Variants in STIM2 observed in about 807,000 individuals in gnomAD.
STIM2 encodes the protein stromal interaction molecule 2.
Under a neutral mutation model 85.8 loss-of-function variants are expected in STIM2, and 31 were observed. The ratio of observed to expected loss-of-function variants is 0.36; its 90% CI spans 0.27 to 0.49. STIM2 has a LOEUF of 0.49. Ranked by LOEUF, STIM2 falls within the 20% of genes least tolerant of loss-of-function variation. STIM2 has a pLI of 0.98. For synonymous variants in STIM2, 356 were observed against 331.1 expected (o/e 1.08, Z -0.82); for missense variants, 841 against 927.6 (o/e 0.91, Z 1.21).
At chr4:26,909,251 G>C (rs1724242474) in intron 1 of STIM2, among the ~76,000 whole-genome samples, 1 of 152,106 alleles carries the variant, frequency 6.6e-6, no homozygotes, top group African/African-American at 2.4e-5. Context: ...TATCTATTGA[G>C]TTACAAATAT....
intron 1 of STIM2, among the ~76,000 whole-genome samples, chr4:26,863,274 A>G (rs528566210): frequency 6.6e-6 from 1 of 152,276 alleles, no homozygotes; most frequent in South Asian, 2.1e-4. Flanking sequence ...CTAGAAGAAT[A>G]CCCTGGAATT....
intron 3 of STIM2, among the ~76,000 whole-genome samples, chr4:26,965,085 A>G (rs1469945922): frequency 6.6e-6 from 1 of 152,148 alleles, no homozygotes; most frequent in Non-Finnish European, 1.5e-5. Flanking sequence ...ACTTTCCTAC[A>G]GTGCTTTTAG....
Position 27,008,453 on chromosome 4 carries a change from G to A in STIM2, c.1175G>A (p.Ser392Asn), listed in dbSNP as rs777950063. 1.3e-6 allele frequency: 2 copies of A among 1,591,374 alleles called. No homozygotes were observed. Among genetic ancestry groups the A allele is most frequent in the South Asian group, 1.2e-5 (1 of 84,606 alleles). ...GCAGAAAAAATTAAAAAGAAGAGAA[G>A]CACAGTCTTTGGGACTCTGCACGTT... is the stretch of plus-strand genomic sequence containing the variant. Residue 392 changes from serine (S) to asparagine (N), a missense_variant, in exon 9 of 12, where the codon AGC becomes AAC. Physicochemically the swap from Ser to Asn is conservative, Grantham distance 46. Transcript: ENST00000467087.
At chr4:26,863,276 C>T (rs1722286243) in intron 1 of STIM2, among the ~76,000 whole-genome samples, 1 of 151,974 alleles carries the variant, frequency 6.6e-6, no homozygotes, top group African/African-American at 2.4e-5. Context: ...AGAAGAATAC[C>T]CTGGAATTAT....
chr4:26,953,224 A>C (rs1726121695), intron 2 of STIM2, among the ~76,000 whole-genome samples: 1 of 152,148 alleles, frequency 6.6e-6, no homozygotes, highest in Non-Finnish European at 1.5e-5. Flanking sequence ...TAAATGTCTG[A>C]TATTCCCCAA....
chr4:26,992,622 CA>C (rs1727806949), intron 3 of STIM2, among the ~76,000 whole-genome samples: 1 of 151,904 alleles, frequency 6.6e-6, no homozygotes, highest in Non-Finnish European at 1.5e-5. Context: ...TTTAATGAAA[CA>C]AAAAGGTGGA....
intron 3 of STIM2, among the ~76,000 whole-genome samples, chr4:26,966,008 G>A (rs1726702007): frequency 6.6e-6 from 1 of 152,064 alleles, no homozygotes; most frequent in Admixed American, 6.6e-5. Context: ...ATTTAAGGAG[G>A]TACTATTCTA....
intron 2 of STIM2, among the ~76,000 whole-genome samples, chr4:26,929,577 T>TA (rs145766751): frequency 0.021 from 3,171 of 152,074 alleles, 111 homozygotes; most frequent in African/African-American, 0.073. Flanking sequence ...GTTGCTTTTC[T>TA]AAAAAAAATT....
At chr4:26,885,159 C>G (rs1312945494) in intron 1 of STIM2, among the ~76,000 whole-genome samples, 1 of 151,286 alleles carries the variant, frequency 6.6e-6, no homozygotes, top group African/African-American at 2.4e-5. Flanking sequence ...CATGTTCAAC[C>G]TTATTTTTCA....
chr4:26,987,199 T>C (rs2109118488), intron 3 of STIM2, among the ~76,000 whole-genome samples: 2 of 152,298 alleles, frequency 1.3e-5, no homozygotes, highest in Middle Eastern at 6.8e-3. Context: ...TTACAATCTC[T>C]TCATTCTCCC....
At chr4:26,992,037 G>C (rs958649055) in intron 3 of STIM2, among the ~76,000 whole-genome samples, 1 of 152,080 alleles carries the variant, frequency 6.6e-6, no homozygotes, top group Non-Finnish European at 1.5e-5. Flanking sequence ...AGATCAGTGA[G>C]AGGCAGGTAA....
chr4:27,017,695 T>G lies in STIM2; in HGVS notation c.1490-16T>G. 6.2e-7 allele frequency: 1 copy of G among 1,612,224 alleles called. No individual in the cohort carries two copies. The highest frequency in any genetic ancestry group is 8.5e-7 in the Non-Finnish European group (1 of 1,178,420). The stretch of plus-strand genomic sequence containing the variant: ...CCTGGACTTCATGAGCATGTTTCTT[T>G]CTTGGTGTTTTTCAGGGACCATGGC... On this transcript the variant is annotated splice_polypyrimidine_tract_variant and intron_variant, in intron 10 of 11. Coordinates refer to ENST00000467087, the MANE Select transcript of STIM2 (RefSeq NM_020860.4).
intron 1 of STIM2, chr4:26,873,995 C>G (rs1296415189): frequency 7.9e-6 from 7 of 885,086 alleles, no homozygotes; most frequent in South Asian, 1.3e-5. Flanking sequence ...CCCTCTCTTT[C>G]TCCTCCTGGC....
intron 3 of STIM2, among the ~76,000 whole-genome samples, chr4:26,977,619 G>A (rs1727245388): frequency 6.6e-6 from 1 of 152,150 alleles, no homozygotes; most frequent in African/African-American, 2.4e-5. Context: ...GGCAGGATTT[G>A]CTGTGGAATT....
At chr4:26,896,917 A>G (rs1192140423) in intron 1 of STIM2, among the ~76,000 whole-genome samples, 1 of 152,188 alleles carries the variant, frequency 6.6e-6, no homozygotes, top group East Asian at 1.9e-4. Context: ...CTTTTGCCAT[A>G]TCGAGAATGT....
At chr4:26,905,147 A>G (rs1372558041) in intron 1 of STIM2, among the ~76,000 whole-genome samples, 1 of 152,200 alleles carries the variant, frequency 6.6e-6, no homozygotes, top group African/African-American at 2.4e-5. Flanking sequence ...ATAGAATGGG[A>G]GAGTGAATAG....
In STIM2 at chr4:27,012,768, C is replaced by T. The variant is rs181658845; in HGVS notation, c.1489+3766C>T. Among the ~76,000 whole-genome samples, 38 of 151,966 alleles carry T rather than the reference C, an allele frequency of 2.5e-4. No homozygotes were observed. The East Asian group carries it at 6.8e-3, about 27-fold the overall frequency. Reference sequence around the variant, plus strand: ...AAAGAGAATGCTGCCAGAATTTCACCAGGAAGTATTTTTTTTAATGTTTTT... The same window carrying T: ...AAAGAGAATGCTGCCAGAATTTCACTAGGAAGTATTTTTTTTAATGTTTTT... On this transcript the variant is annotated intron_variant, in intron 10 of 11. Coordinates refer to ENST00000467087, the MANE Select transcript of STIM2 (RefSeq NM_020860.4).
rs115767681 is a variant in STIM2 at position 26,982,407 on chromosome 4, A to G, written c.398-12972A>G. On this transcript the variant is annotated intron_variant, in intron 3 of 11. Coordinates refer to ENST00000467087, the MANE Select transcript of STIM2 (RefSeq NM_020860.4). Reference sequence around the variant, plus strand: ...TGGGAGGCCTTTCTAACTGGCTTCTATATCTTTTTATATCCTTTCTAACTG... The same window carrying G: ...TGGGAGGCCTTTCTAACTGGCTTCTGTATCTTTTTATATCCTTTCTAACTG... Among the ~76,000 whole-genome samples the G allele has an allele frequency of 4.4e-3, 673 of 152,250 alleles. 6 individuals carry two copies. Among genetic ancestry groups the G allele is most frequent in the Middle Eastern group, 0.014 (4 of 294 alleles).
intron 1 of STIM2, among the ~76,000 whole-genome samples, chr4:26,890,288 G>A (rs1723414987): frequency 1.3e-5 from 2 of 152,170 alleles, no homozygotes; most frequent in East Asian, 3.9e-4. Flanking sequence ...GTAGGAATGG[G>A]GACCGTGGGC....
Sources: allele counts gnomAD v4.1 joint callset (sites outside exome capture counted in the v4.1 genomes callset), GRCh38; gene constraint gnomAD v4.1.1; transcripts MANE v1.5; gene names NCBI Gene and HGNC (gene_info 2026-07-23, HGNC 2026-07-21).